The following LUZP2 variants were observed in gnomAD, a reference collection of about 807,000 sequenced individuals.
LUZP2 encodes leucine zipper protein 2.
Under a neutral mutation model 51.6 loss-of-function variants are expected in LUZP2, and 52 were observed. The observed-to-expected ratio is 1.01, with a 90% CI of 0.81 to 1.27. The LOEUF (loss-of-function observed/expected upper bound fraction) is 1.27, where lower values mean the gene tolerates loss of function less well. Among genes scored for constraint, LUZP2 ranks in the 50% most tolerant of loss-of-function variants. The pLI is 0.00. For synonymous variants in LUZP2, 154 were observed against 137.3 expected (o/e 1.12, Z -0.85); for missense variants, 436 against 395.4 (o/e 1.10, Z -0.87).
intron 2 of LUZP2, 47 bp from the exon 3 acceptor site, chr11:24,732,071 C>T (rs1321328163): frequency 4.9e-6 from 7 of 1,439,758 alleles, no homozygotes; most frequent in Non-Finnish European, 6.8e-6. Flanking sequence ...AAGTGAGTCT[C>T]AATTTCTCAC....
chr11:24,655,843 CTG>C (rs1855782795), intron 1 of LUZP2, among the ~76,000 whole-genome samples: 1 of 152,276 alleles, frequency 6.6e-6, no homozygotes, highest in East Asian at 1.9e-4. Flanking sequence ...AACTAACACT[CTG>C]TGAGTGCCTC....
chr11:24,634,816 C>A (rs1235749448), intron 1 of LUZP2, among the ~76,000 whole-genome samples: 1 of 152,002 alleles, frequency 6.6e-6, no homozygotes, highest in Non-Finnish European at 1.5e-5. Flanking sequence ...TTTTTAAAAA[C>A]ACAACATCAA....
At chr11:24,892,273 T>G in intron 5 of LUZP2, 1 of 985,466 alleles carries the variant, frequency 1.0e-6, no homozygotes, top group Non-Finnish European at 1.2e-6. Flanking sequence ...CTGGACCATC[T>G]GCTATAGGAA....
At chr11:24,638,476 A>T (rs1855177454) in intron 1 of LUZP2, among the ~76,000 whole-genome samples, 1 of 151,736 alleles carries the variant, frequency 6.6e-6, no homozygotes. Context: ...TATAGGGAAA[A>T]AATTGTTTGA....
chr11:24,756,332 C>T (rs1007364412), intron 4 of LUZP2, among the ~76,000 whole-genome samples: 3 of 152,180 alleles, frequency 2.0e-5, no homozygotes, highest in Non-Finnish European at 4.4e-5. Context: ...GTGTCAAGAA[C>T]GATTGTCCTC....
intron 1 of LUZP2, among the ~76,000 whole-genome samples, chr11:24,503,194 T>C (rs1415312600): frequency 6.6e-6 from 1 of 152,118 alleles, no homozygotes; most frequent in Non-Finnish European, 1.5e-5. Context: ...TATCATAAAC[T>C]TTTCACAATT....
At chr11:24,664,390 C>T (rs1856140663) in intron 1 of LUZP2, among the ~76,000 whole-genome samples, 1 of 152,076 alleles carries the variant, frequency 6.6e-6, no homozygotes, top group Non-Finnish European at 1.5e-5. Flanking sequence ...AATTTGCAGC[C>T]TGACAATGAG....
At position 24,868,305 on chromosome 11, in the gene LUZP2, A is replaced by G. The variant is rs1313772303; in HGVS notation, c.397-37686A>G. On this transcript the variant is annotated intron_variant, in intron 5 of 11. Coordinates refer to ENST00000336930, the MANE Select transcript of LUZP2 (RefSeq NM_001009909.4). ...CAAAAGAAATCTACAAACAAACCTC[A>G]CCTCATTAGTTCATTCCTGTGTTCT... Among the ~76,000 whole-genome samples, 5 of 150,440 alleles carry G rather than the reference A, an allele frequency of 3.3e-5. No homozygotes were observed. In the Admixed American group the frequency reaches 3.3e-4, roughly 10 times the overall value.
At chr11:25,012,345 C>T (rs757597131) in intron 9 of LUZP2, among the ~76,000 whole-genome samples, 1 of 152,096 alleles carries the variant, frequency 6.6e-6, no homozygotes, top group East Asian at 1.9e-4. Context: ...TCTTTTTCTC[C>T]CAAACTCCCC....
intron 7 of LUZP2, among the ~76,000 whole-genome samples, chr11:24,933,778 A>G (rs996639957): frequency 5.3e-5 from 8 of 152,164 alleles, no homozygotes; most frequent in Non-Finnish European, 1.2e-4. Flanking sequence ...CTTTTTAATT[A>G]CCTGGGTGCA....
At chr11:24,556,635 A>G (rs1012767745) in intron 1 of LUZP2, among the ~76,000 whole-genome samples, 3 of 152,144 alleles carry the variant, frequency 2.0e-5, no homozygotes, top group Non-Finnish European at 4.4e-5. Context: ...TTCTCATCAA[A>G]TGTTCTTCCT....
chr11:24,710,697 A>G (rs1385042561), intron 1 of LUZP2, among the ~76,000 whole-genome samples: 1 of 152,220 alleles, frequency 6.6e-6, no homozygotes, highest in Non-Finnish European at 1.5e-5. Flanking sequence ...AGAGTATTAT[A>G]TATCACAACC....
rs1052406622 is a variant in LUZP2 at position 24,998,101 on chromosome 11, G to A, written c.765+14808G>A. The stretch of plus-strand genomic sequence containing the variant: ...TTGCTTAGGATTGACTTGGCGATGC[G>A]GGCTCTGTTTCGGTTCCATATGAAC... On this transcript the variant is annotated intron_variant, in intron 9 of 11. Coordinates refer to ENST00000336930, the MANE Select transcript of LUZP2 (RefSeq NM_001009909.4). Among the ~76,000 whole-genome samples the A allele has an allele frequency of 3.3e-5, 5 of 152,026 alleles. No homozygotes were observed. The South Asian group carries it at 6.2e-4, about 19-fold the overall frequency.
chr11:24,536,074 G>A (rs11027987), intron 1 of LUZP2, among the ~76,000 whole-genome samples: 28,244 of 151,606 alleles, frequency 0.19, 3,136 homozygotes, highest in Middle Eastern at 0.36. Flanking sequence ...TTTGTTCTGA[G>A]CAGTAGTTCT....
At chr11:24,644,666 C>T (rs1217771137) in intron 1 of LUZP2, among the ~76,000 whole-genome samples, 1 of 152,062 alleles carries the variant, frequency 6.6e-6, no homozygotes, top group Non-Finnish European at 1.5e-5. Flanking sequence ...GGAACATCAA[C>T]ACTGATGCCA....
intron 4 of LUZP2, among the ~76,000 whole-genome samples, chr11:24,739,792 T>C (rs972519819): frequency 2.6e-5 from 4 of 152,106 alleles, no homozygotes; most frequent in Non-Finnish European, 5.9e-5. Context: ...TTGTTGACTT[T>C]TCAAAGTACA....
intron 7 of LUZP2, among the ~76,000 whole-genome samples, chr11:24,960,369 C>T (rs1425027710): frequency 6.6e-6 from 1 of 152,100 alleles, no homozygotes; most frequent in South Asian, 2.1e-4. Flanking sequence ...GGCTGTGAAT[C>T]CATCTGGTCC....
intron 1 of LUZP2, among the ~76,000 whole-genome samples, chr11:24,604,159 G>A (rs181335507): frequency 1.2e-3 from 189 of 151,818 alleles, no homozygotes; most frequent in African/African-American, 4.4e-3. Context: ...GTGTTATTTT[G>A]TATTTTCTGC....
intron 8 of LUZP2, among the ~76,000 whole-genome samples, chr11:24,977,296 A>G (rs563297990): frequency 6.6e-6 from 1 of 151,802 alleles, no homozygotes; most frequent in East Asian, 1.9e-4. Context: ...TACCTACAAC[A>G]TATAATGTTC....
Sources: gnomAD v4.1 joint callset for allele counts (sites outside exome capture counted in the v4.1 genomes callset) on GRCh38, gnomAD v4.1.1 for gene constraint, MANE v1.5 for transcripts, NCBI Gene and HGNC (gene_info 2026-07-23, HGNC 2026-07-21) for gene names.